The following STXBP5 variants were observed in gnomAD, a reference collection of about 807,000 sequenced individuals.
STXBP5 encodes syntaxin binding protein 5, also known as syntaxin-binding protein 5.
In STXBP5, 50 loss-of-function variants were observed where a neutral mutation model predicts 152.4. That is an observed-to-expected ratio of 0.33 (90% CI 0.26 to 0.42). The LOEUF (loss-of-function observed/expected upper bound fraction) is 0.42. Among genes scored for constraint, STXBP5 ranks in the 10% least tolerant of loss-of-function variants. The pLI is 1.00. For synonymous variants in STXBP5, 492 were observed against 494.7 expected (o/e 0.99, Z 0.07); for missense variants, 1,167 against 1,388.6 (o/e 0.84, Z 2.54).
chr6:147,286,493 TTAAG>T (rs1184657135), intron 8 of STXBP5, among the ~76,000 whole-genome samples: 1 of 152,220 alleles, frequency 6.6e-6, no homozygotes, highest in Non-Finnish European at 1.5e-5. Context: ...ATTGTACACT[TTAAG>T]TAGTGTACTT....
At chr6:147,358,791 G>T (rs1312364140) in intron 22 of STXBP5, among the ~76,000 whole-genome samples, 1 of 152,068 alleles carries the variant, frequency 6.6e-6, no homozygotes, top group Non-Finnish European at 1.5e-5. Flanking sequence ...AGTGGAAGTG[G>T]ATCATCCCAA....
chr6:147,313,591 T>C (rs920757694), intron 11 of STXBP5, among the ~76,000 whole-genome samples: 1 of 152,142 alleles, frequency 6.6e-6, no homozygotes, highest in Non-Finnish European at 1.5e-5. Context: ...TGTTCTTCAG[T>C]AAAATGCCTA....
chr6:147,367,644 CAAAA>C (rs1014990878), intron 25 of STXBP5, among the ~76,000 whole-genome samples: 41 of 150,860 alleles, frequency 2.7e-4, no homozygotes, highest in Non-Finnish European at 5.5e-4. Context: ...TCTCAAAAAA[CAAAA>C]AAACAAAAAC....
At chr6:147,335,557 A>G (rs1387277254) in intron 19 of STXBP5, among the ~76,000 whole-genome samples, 2 of 152,226 alleles carry the variant, frequency 1.3e-5, no homozygotes, top group Non-Finnish European at 2.9e-5. Flanking sequence ...ATCCTGGGCC[A>G]GACTTTCAAA....
chr6:147,365,238 A>G (rs1785242139), intron 25 of STXBP5, among the ~76,000 whole-genome samples: 2 of 152,232 alleles, frequency 1.3e-5, no homozygotes, highest in Admixed American at 1.3e-4. Flanking sequence ...CTGACATTAG[A>G]TTTAAATTCC....
intron 9 of STXBP5, among the ~76,000 whole-genome samples, chr6:147,297,748 A>G (rs1781599966): frequency 6.6e-6 from 1 of 152,134 alleles, no homozygotes; most frequent in Non-Finnish European, 1.5e-5. Flanking sequence ...AAAGTCTAGA[A>G]TATTTTTATG....
chr6:147,383,530 G>A, intron 27 of STXBP5, among the ~76,000 whole-genome samples: 1 of 151,858 alleles, frequency 6.6e-6, no homozygotes, highest in East Asian at 1.9e-4. Context: ...CTGTAAAGTA[G>A]GGATCCCTGA....
At chr6:147,301,901 T>G (rs879414093) in intron 9 of STXBP5, among the ~76,000 whole-genome samples, 2 of 152,170 alleles carry the variant, frequency 1.3e-5, no homozygotes, top group Admixed American at 6.5e-5. Flanking sequence ...ACTGCTGTAT[T>G]TTTAATCACT....
At chr6:147,341,102 G>A (rs1784070792) in intron 21 of STXBP5, among the ~76,000 whole-genome samples, 1 of 151,878 alleles carries the variant, frequency 6.6e-6, no homozygotes, top group Admixed American at 6.6e-5. Context: ...ACAAGATTTG[G>A]GTATACAGAA....
In STXBP5 at chr6:147,389,785, A is replaced by C. The variant is rs1786506559; in HGVS notation, c.*5030A>C. 6.6e-6 allele frequency: 1 copy of C among 151,886 alleles called. No homozygotes were observed. Among genetic ancestry groups the C allele is most frequent in the Non-Finnish European group, 1.5e-5 (1 of 67,864 alleles). 9.4% of individuals were successfully genotyped at this position (151,886 alleles called of 1,614,324 possible). On this transcript the variant is annotated 3_prime_UTR_variant, in exon 28 of 28. Transcript: ENST00000321680. ...GAGTTGAAAATACAATCAACATAGCAATGGAAAGCAATGCAAAGAGGGTAA... is the reference window on the plus strand; with the variant it reads ...GAGTTGAAAATACAATCAACATAGCCATGGAAAGCAATGCAAAGAGGGTAA...
rs139206654 is a variant in STXBP5 at position 147,281,437 on chromosome 6, A to T, written c.838+3233A>T. Among the ~76,000 whole-genome samples, 128 of 152,352 alleles carry T rather than the reference A, an allele frequency of 8.4e-4. No individual in the cohort carries two copies. The South Asian group carries it at 0.02, about 23-fold the overall frequency. On this transcript the variant is annotated intron_variant, in intron 8 of 27. Transcript: ENST00000321680. ...CAAGGGTATCATCTATTCCATAGAG[A>T]TCACATTTGTGGTACATCATTTTCA...
At chr6:147,334,108 C>T (rs1449027074) in intron 18 of STXBP5, 49 bp from the exon 19 acceptor site, 3 of 1,567,670 alleles carry the variant, frequency 1.9e-6, no homozygotes, top group Non-Finnish European at 1.7e-6. Context: ...GACAAAACTG[C>T]ACTTACATAA....
chr6:147,255,976 A>G (rs1286985696), intron 4 of STXBP5, among the ~76,000 whole-genome samples: 1 of 152,206 alleles, frequency 6.6e-6, no homozygotes, highest in Non-Finnish European at 1.5e-5. Context: ...GCTGTATTTC[A>G]ATGCAGGAAC....
intron 9 of STXBP5, among the ~76,000 whole-genome samples, chr6:147,294,422 G>A (rs575181865): frequency 6.6e-6 from 1 of 152,072 alleles, no homozygotes; most frequent in South Asian, 2.1e-4. Context: ...CACTTGTAAC[G>A]TGCTCTTTAT....
chr6:147,348,040 A>C (rs1352339951), intron 21 of STXBP5, among the ~76,000 whole-genome samples: 1 of 152,206 alleles, frequency 6.6e-6, no homozygotes, highest in Non-Finnish European at 1.5e-5. Context: ...ACAGTTTAAA[A>C]TTTTAGTTTA....
chr6:147,270,243 CA>C (rs1190046216), intron 7 of STXBP5, among the ~76,000 whole-genome samples: 2 of 151,400 alleles, frequency 1.3e-5, no homozygotes, highest in Non-Finnish European at 2.9e-5. Context: ...CTAAAAAATA[CA>C]AAAAATTAGC....
intron 19 of STXBP5, 61 bp downstream of exon 19, chr6:147,334,283 C>A: frequency 6.8e-7 from 1 of 1,464,614 alleles, no homozygotes; most frequent in Non-Finnish European, 9.4e-7. Context: ...AGATAGCATA[C>A]TAGTGTACAT....
In STXBP5 at chr6:147,388,469, G is replaced by T. The variant is rs1047210892; in HGVS notation, c.*3714G>T. On this transcript the variant is annotated 3_prime_UTR_variant, in exon 28 of 28. Transcript: ENST00000321680. ...GTTTTAAAATGGAATTTTTATAAAT[G>T]TACTTTAATTTTAAAATGGTGAACT... 6 of 151,566 alleles carry T rather than the reference G, an allele frequency of 4.0e-5. No individual in the cohort carries two copies. The highest frequency in any genetic ancestry group is 4.0e-4 in the Admixed American group (6 of 15,170). 9.4% of individuals were successfully genotyped at this position (151,566 alleles called of 1,614,324 possible). A position where few individuals can be genotyped will look rare whatever the true frequency, so the allele number is the denominator to read the frequency against.
intron 16 of STXBP5, among the ~76,000 whole-genome samples, chr6:147,324,335 C>T (rs142107173): frequency 0.016 from 2,120 of 130,454 alleles, 64 homozygotes; most frequent in African/African-American, 0.06. Context: ...TACAATGGCG[C>T]GATCTCGGCT....
Sources: allele counts gnomAD v4.1 joint callset (sites outside exome capture counted in the v4.1 genomes callset), GRCh38; gene constraint gnomAD v4.1.1; transcripts MANE v1.5; gene names NCBI Gene and HGNC (gene_info 2026-07-23, HGNC 2026-07-21).